The following SYNPO2 variants were observed in gnomAD, a reference collection of about 807,000 sequenced individuals.
SYNPO2 encodes the protein synaptopodin-2.
A neutral mutation model predicts 85.0 loss-of-function variants in SYNPO2; 56 were observed. The observed-to-expected ratio is 0.66, with a 90% CI of 0.53 to 0.82. The LOEUF is 0.82. Among genes scored for constraint, SYNPO2 ranks in the 40% least tolerant of loss-of-function variants. SYNPO2 has a pLI of 0.00. For missense variants in SYNPO2, 1,575 were observed against 1,534.2 expected, an observed-to-expected ratio of 1.03 and a Z score of -0.44; for synonymous variants, 602 against 591.1, an observed-to-expected ratio of 1.02 and a Z score of -0.27.
At chr4:118,881,762 T>G (rs560983189) in intron 1 of SYNPO2, among the ~76,000 whole-genome samples, 1 of 152,136 alleles carries the variant, frequency 6.6e-6, no homozygotes, top group Admixed American at 6.6e-5. Context: ...CCTGAGGGCA[T>G]CTTCTTTCAC....
intron 1 of SYNPO2, among the ~76,000 whole-genome samples, chr4:118,961,099 G>GCCCCCCCCCCCCC (rs60796554): frequency 2.1e-5 from 2 of 94,618 alleles, no homozygotes; most frequent in Non-Finnish European, 4.1e-5. Flanking sequence ...CTATTTTACC[G>GCCCCCCCCCCCCC]CCCCCCCCCC....
chr4:118,969,584 G>A (rs1429937748), intron 1 of SYNPO2, among the ~76,000 whole-genome samples: 1 of 152,150 alleles, frequency 6.6e-6, no homozygotes, highest in Non-Finnish European at 1.5e-5. Context: ...CATATTCCAA[G>A]TGTAATACTA....
At chr4:118,935,719 T>C (rs2149135142) in intron 1 of SYNPO2, among the ~76,000 whole-genome samples, 1 of 152,398 alleles carries the variant, frequency 6.6e-6, no homozygotes, top group South Asian at 2.1e-4. Context: ...ACTGGAAGCC[T>C]TACCAATAAC....
intron 1 of SYNPO2, among the ~76,000 whole-genome samples, chr4:118,934,843 T>C (rs1734047668): frequency 1.3e-5 from 2 of 152,220 alleles, no homozygotes; most frequent in Admixed American, 1.3e-4. Context: ...ATTTTTGAAC[T>C]GTTCAGTTTG....
chr4:118,903,999 A>G (rs1732846472), intron 1 of SYNPO2, among the ~76,000 whole-genome samples: 1 of 152,138 alleles, frequency 6.6e-6, no homozygotes, highest in Non-Finnish European at 1.5e-5. Context: ...TACAGGCATG[A>G]GCCACCGTGC....
At chr4:118,907,784 A>G (rs1732986929) in intron 1 of SYNPO2, among the ~76,000 whole-genome samples, 1 of 152,224 alleles carries the variant, frequency 6.6e-6, no homozygotes, top group Admixed American at 6.5e-5. Context: ...AAACTATACC[A>G]GCCAGAAATA....
chr4:118,907,543 A>T (rs1251638184), intron 1 of SYNPO2, among the ~76,000 whole-genome samples: 1 of 152,186 alleles, frequency 6.6e-6, no homozygotes, highest in Non-Finnish European at 1.5e-5. Context: ...TGTCAAAGAG[A>T]AAAAGGAGTC....
At chr4:119,011,647 AC>A (rs1737307261) in intron 1 of SYNPO2, among the ~76,000 whole-genome samples, 1 of 152,216 alleles carries the variant, frequency 6.6e-6, no homozygotes, top group African/African-American at 2.4e-5. Context: ...GTGCCTGTTG[AC>A]CCAGGTATTA....
chr4:118,853,867 G>C (rs1227594894), intron 1 of SYNPO2, among the ~76,000 whole-genome samples: 1 of 152,160 alleles, frequency 6.6e-6, no homozygotes, highest in African/African-American at 2.4e-5. Context: ...GGTGTACATG[G>C]AATATGTGCA....
chr4:118,949,578 TA>T (rs374941257), intron 1 of SYNPO2, among the ~76,000 whole-genome samples: 15,557 of 121,558 alleles, frequency 0.13, 826 homozygotes, highest in East Asian at 0.18. Flanking sequence ...CTGTCTCTAC[TA>T]AAAAAAAAAA....
intron 1 of SYNPO2, among the ~76,000 whole-genome samples, chr4:118,970,942 T>A (rs1177099388): frequency 6.6e-6 from 1 of 152,206 alleles, no homozygotes; most frequent in Non-Finnish European, 1.5e-5. Flanking sequence ...GGACACAGAA[T>A]CTTTTCATTT....
intron 1 of SYNPO2, among the ~76,000 whole-genome samples, chr4:119,007,257 T>TAC (rs1560972346): frequency 2.3e-5 from 1 of 42,588 alleles, no homozygotes; most frequent in Non-Finnish European, 4.8e-5. Flanking sequence ...TATATACATA[T>TAC]ATATATATAT....
intron 1 of SYNPO2, among the ~76,000 whole-genome samples, chr4:118,916,749 T>A (rs1303682163): frequency 2.5e-4 from 35 of 141,126 alleles, no homozygotes; most frequent in African/African-American, 8.3e-4. Flanking sequence ...TTTTTTTTTC[T>A]AGAAACAGGG....
intron 1 of SYNPO2, among the ~76,000 whole-genome samples, chr4:118,894,744 A>G (rs1350132455): frequency 1.3e-5 from 2 of 152,142 alleles, no homozygotes; most frequent in African/African-American, 2.4e-5. Context: ...TTCTGACAGT[A>G]ATATTCAAGA....
In SYNPO2 at chr4:119,029,904, A is replaced by G; in HGVS notation, c.1129A>G (p.Lys377Glu). ...AGTGAAGGAAGCAAAATCTAAATGCAAAAGCATTGCCCTTCTTCTAACGGA... is the reference window on the plus strand; with the variant it reads ...AGTGAAGGAAGCAAAATCTAAATGCGAAAGCATTGCCCTTCTTCTAACGGA... ...KQVKEAKSKCKSIALLLTDAP... is the reference protein window; with the variant it reads ...KQVKEAKSKCESIALLLTDAP... Residue 377 changes from lysine (K) to glutamate (E), a missense_variant, in exon 4 of 5, where the codon AAA becomes GAA. Around this residue, in one of 3 missense-constraint regions of SYNPO2, gnomAD observed 1,508 missense variants for 1,446.8 expected, o/e 1.04. Transcript: ENST00000307142. The G allele has an allele frequency of 6.2e-7, 1 of 1,608,868 alleles. No homozygotes were observed. The highest frequency in any genetic ancestry group is 8.5e-7 in the Non-Finnish European group (1 of 1,175,956).
chr4:118,925,926 G>A (rs736694), intron 1 of SYNPO2, among the ~76,000 whole-genome samples: 42 of 151,978 alleles, frequency 2.8e-4, no homozygotes, highest in African/African-American at 8.7e-4. Flanking sequence ...TAAAATAAAC[G>A]TCTAAGAAGT....
At chr4:119,014,162 C>T (rs571294440) in intron 1 of SYNPO2, among the ~76,000 whole-genome samples, 1 of 152,284 alleles carries the variant, frequency 6.6e-6, no homozygotes, top group African/African-American at 2.4e-5. Flanking sequence ...GTGGCTCACA[C>T]CTGTAATCCC....
intron 4 of SYNPO2, among the ~76,000 whole-genome samples, chr4:119,045,406 A>G (rs1037761): frequency 0.95 from 144,718 of 152,220 alleles, 69,101 homozygotes; most frequent in Non-Finnish European, 1. Flanking sequence ...AGCTATGATA[A>G]CACCACTGCT....
At chr4:119,014,637 G>A (rs1290790966) in intron 1 of SYNPO2, among the ~76,000 whole-genome samples, 6 of 152,096 alleles carry the variant, frequency 3.9e-5, no homozygotes, top group Non-Finnish European at 8.8e-5. Context: ...TATCTTTGAA[G>A]TCCTTAATTA....
Sources: allele counts gnomAD v4.1 joint callset (sites outside exome capture counted in the v4.1 genomes callset), GRCh38; gene constraint gnomAD v4.1.1; regional missense constraint gnomAD v4.1.1; transcripts MANE v1.5; gene names NCBI Gene and HGNC (gene_info 2026-07-23, HGNC 2026-07-21).